The following WWC2 variants were observed in gnomAD, a reference collection of about 807,000 sequenced individuals.
WWC2 encodes protein WWC2.
A neutral mutation model predicts 138.5 loss-of-function variants in WWC2; 101 were observed. The ratio of observed to expected loss-of-function variants is 0.73; its 90% confidence interval spans 0.62 to 0.86. The LOEUF (loss-of-function observed/expected upper bound fraction) is 0.86. Among genes scored for constraint, WWC2 ranks in the 40% least tolerant of loss-of-function variants. The pLI, the probability that WWC2 is intolerant of heterozygous loss-of-function variation, is 0.00. For synonymous variants in WWC2, 558 were observed against 538.4 expected, an observed-to-expected ratio of 1.04 and a Z score of -0.50; for missense variants, 1,420 against 1,419.4, an observed-to-expected ratio of 1.00 and a Z score of -0.01.
chr4:183,255,579 G>T lies in WWC2; in HGVS notation c.1196+1580G>T, dbSNP rs556319534. Among the ~76,000 whole-genome samples the T allele has an allele frequency of 1.6e-4, 25 of 152,220 alleles. No individual in the cohort carries two copies. The East Asian group carries it at 2.1e-3, about 13-fold the overall frequency. Reference sequence around the variant, plus strand: ...TAATCATACGTGTCTAATGTGCCACGTCCATCTCAGCTGTTCTACTTTGTA... The same window carrying T: ...TAATCATACGTGTCTAATGTGCCACTTCCATCTCAGCTGTTCTACTTTGTA... On this transcript the variant is annotated intron_variant, in intron 9 of 22. Transcript: ENST00000403733.
chr4:183,241,325 G>C (rs1233908725), intron 5 of WWC2, among the ~76,000 whole-genome samples: 2 of 152,204 alleles, frequency 1.3e-5, no homozygotes, highest in African/African-American at 4.8e-5. Context: ...GATGCTCCAA[G>C]CAGCAAGCCC....
At chr4:183,312,652 C>G (rs930733349) in intron 22 of WWC2, among the ~76,000 whole-genome samples, 184 bp downstream of exon 22, 2 of 152,196 alleles carry the variant, frequency 1.3e-5, no homozygotes, top group African/African-American at 4.8e-5. Flanking sequence ...GAGTTAAAGG[C>G]TGATGAAAGC....
intron 1 of WWC2, among the ~76,000 whole-genome samples, chr4:183,172,556 GT>G (rs61599876): frequency 0.088 from 9,942 of 112,990 alleles, 327 homozygotes; most frequent in Middle Eastern, 0.15. Context: ...TATGTTTCTT[GT>G]TTTTTTTTTT....
chr4:183,190,477 A>G lies in WWC2; in HGVS notation c.132-3122A>G, dbSNP rs76044450. Among the ~76,000 whole-genome samples, 825 of 152,246 alleles carry G rather than the reference A, an allele frequency of 5.4e-3. 6 individuals carry two copies. Among genetic ancestry groups the G allele is most frequent in the African/African-American group, 0.019 (796 of 41,554 alleles). The stretch of plus-strand genomic sequence containing the variant: ...TACTTAATTTGTTTGGAACCTGAGA[A>G]TGTTGTTCTATTTATATTTTATAAT... On this transcript the variant is annotated intron_variant, in intron 1 of 22. Coordinates refer to ENST00000403733, the MANE Select transcript of WWC2 (RefSeq NM_024949.6).
At chr4:183,115,649 T>C (rs1732385940) in intron 1 of WWC2, among the ~76,000 whole-genome samples, 2 of 152,340 alleles carry the variant, frequency 1.3e-5, no homozygotes, top group South Asian at 2.1e-4. Context: ...ATGCCTTCTT[T>C]TGAGAAATGT....
At chr4:183,131,309 C>T (rs1732917609) in intron 1 of WWC2, among the ~76,000 whole-genome samples, 1 of 151,732 alleles carries the variant, frequency 6.6e-6, no homozygotes, top group African/African-American at 2.4e-5. Context: ...AAAAAATCTT[C>T]ATGACTTTCT....
intron 2 of WWC2, among the ~76,000 whole-genome samples, chr4:183,199,124 A>G (rs1386983784): frequency 6.6e-6 from 1 of 152,182 alleles, no homozygotes; most frequent in Non-Finnish European, 1.5e-5. Flanking sequence ...GGTGGGGAAG[A>G]AGGAGGACCA....
At chr4:183,211,398 A>T (rs973782803) in intron 4 of WWC2, among the ~76,000 whole-genome samples, 2 of 152,212 alleles carry the variant, frequency 1.3e-5, no homozygotes, top group African/African-American at 4.8e-5. Context: ...AATTCTGCAC[A>T]TTAATGTGTA....
chr4:183,203,908 A>G (rs1028185392), intron 2 of WWC2, among the ~76,000 whole-genome samples: 2 of 152,140 alleles, frequency 1.3e-5, no homozygotes, highest in Admixed American at 1.3e-4. Context: ...ACAGGAGGGT[A>G]TGAGTAGTAC....
intron 15 of WWC2, 75 bp downstream of exon 15, chr4:183,269,238 ATTTT>A: frequency 6.9e-7 from 1 of 1,450,758 alleles, no homozygotes; most frequent in Non-Finnish European, 9.3e-7. Flanking sequence ...TGTAGTTGCT[ATTTT>A]GCCAGCCCTA....
intron 22 of WWC2, among the ~76,000 whole-genome samples, chr4:183,315,145 G>A (rs1016916842): frequency 1.3e-5 from 2 of 152,146 alleles, no homozygotes; most frequent in African/African-American, 2.4e-5. Context: ...CAGCCTCTCC[G>A]CTGCTTCGGG....
intron 1 of WWC2, among the ~76,000 whole-genome samples, chr4:183,188,138 G>A (rs1269902682): frequency 6.6e-6 from 1 of 152,188 alleles, no homozygotes; most frequent in East Asian, 1.9e-4. Flanking sequence ...AAGAACGGGG[G>A]AGTGAGGCTA....
chr4:183,309,372 T>G (rs985104468), intron 21 of WWC2, among the ~76,000 whole-genome samples: 2 of 152,186 alleles, frequency 1.3e-5, no homozygotes, highest in Non-Finnish European at 2.9e-5. Context: ...TACAAAAAAC[T>G]CTTAAAACTC....
At chr4:183,271,268 A>G in intron 16 of WWC2, 27 bp downstream of exon 16, 1 of 1,577,710 alleles carries the variant, frequency 6.3e-7, no homozygotes, top group South Asian at 1.2e-5. Flanking sequence ...GTATAATATG[A>G]AAGTAATGTG....
At chr4:183,230,522 CAA>C (rs1427813474) in intron 4 of WWC2, among the ~76,000 whole-genome samples, 1 of 152,090 alleles carries the variant, frequency 6.6e-6, no homozygotes, top group Non-Finnish European at 1.5e-5. Context: ...ACTAAAAATA[CAA>C]AAGTCAGTCA....
At chr4:183,223,598 A>G (rs1015399574) in intron 4 of WWC2, among the ~76,000 whole-genome samples, 2 of 152,318 alleles carry the variant, frequency 1.3e-5, no homozygotes, top group Admixed American at 1.3e-4. Context: ...CAAATGCCTT[A>G]TCAATATTTA....
chr4:183,265,548 C>T lies in WWC2; in HGVS notation c.2040-140C>T, dbSNP rs575726518. On this transcript the variant is annotated intron_variant, in intron 12 of 22. Coordinates refer to ENST00000403733, the MANE Select transcript of WWC2 (RefSeq NM_024949.6). ...AAGAGCCTCTGAAACAGTAAGCTTT[C>T]GCTGGGATCAGTTCCACTGGGAGGG... 4.7e-5 allele frequency: 41 copies of T among 871,668 alleles called. No individual in the cohort carries two copies. The East Asian group carries it at 8.0e-4, about 17-fold the overall frequency. 54.0% of individuals were successfully genotyped at this position (871,668 alleles called of 1,614,324 possible). A position where few individuals can be genotyped will look rare whatever the true frequency, so the allele number is the denominator to read the frequency against.
intron 8 of WWC2, among the ~76,000 whole-genome samples, chr4:183,253,027 C>G (rs1347801220): frequency 2.0e-5 from 3 of 152,142 alleles, no homozygotes; most frequent in African/African-American, 4.8e-5. Context: ...CATCACCACA[C>G]CTGGCTAATT....
intron 1 of WWC2, among the ~76,000 whole-genome samples, chr4:183,175,874 C>A (rs1180513832): frequency 6.6e-6 from 1 of 152,222 alleles, no homozygotes; most frequent in African/African-American, 2.4e-5. Flanking sequence ...GTGCTTTGCA[C>A]ATTCAATTAA....
Sources: gnomAD v4.1 joint callset for allele counts (sites outside exome capture counted in the v4.1 genomes callset) on GRCh38, gnomAD v4.1.1 for gene constraint, MANE v1.5 for transcripts, NCBI Gene and HGNC (gene_info 2026-07-23, HGNC 2026-07-21) for gene names.